Variants in PIKFYVE observed in about 807,000 individuals in gnomAD.
The protein encoded by PIKFYVE is 1-phosphatidylinositol 3-phosphate 5-kinase.
In PIKFYVE, 122 loss-of-function variants were observed where a neutral mutation model predicts 257.9. That is an observed-to-expected ratio of 0.47 (90% CI 0.41 to 0.55). The LOEUF is 0.55. PIKFYVE is among the 20% of genes least tolerant of loss of function. The pLI is 0.00. For synonymous variants in PIKFYVE, 892 were observed against 868.9 expected (o/e 1.03, Z -0.47); for missense variants, 2,160 against 2,536.6 (o/e 0.85, Z 3.19).
Position 208,325,936 on chromosome 2 carries a change from C to T in PIKFYVE, c.3125C>T (p.Ser1042Phe), listed in dbSNP as rs764390999. ...TSSEDKRKTY[S>F]LAFKQELKDV... The stretch of plus-strand genomic sequence containing the variant: ...TCTGAAGATAAACGAAAGACTTATT[C>T]TTTGGCCTTTAAGCAGGAATTAAAA... Residue 1042 changes from serine to phenylalanine, a missense_variant, in exon 20 of 42, where the codon TCT (serine) becomes TTT (phenylalanine). By Grantham distance (155) the Ser-to-Phe change is radical. Around this residue, in one of 12 missense-constraint regions of PIKFYVE, gnomAD observed 522 missense variants for 514.6 expected, o/e 1.01. Coordinates refer to ENST00000264380, the MANE Select transcript of PIKFYVE (RefSeq NM_015040.4). The T allele has an allele frequency of 1.9e-6, 3 of 1,613,948 alleles. No individual in the cohort carries two copies. Among genetic ancestry groups the T allele is most frequent in the Admixed American group, 1.7e-5 (1 of 59,998 alleles).
intron 12 of PIKFYVE, among the ~76,000 whole-genome samples, chr2:208,310,439 A>T (rs1224086891): frequency 6.6e-6 from 1 of 152,202 alleles, no homozygotes; most frequent in African/African-American, 2.4e-5. Flanking sequence ...AGAAGCTCGT[A>T]AAACTGGCTT....
At chr2:208,338,718 T>C in intron 29 of PIKFYVE, 150 bp downstream of exon 29, 1 of 740,000 alleles carries the variant, frequency 1.4e-6, no homozygotes. Flanking sequence ...TCCTATCAGA[T>C]TAAGATTATC....
rs374685821 is a variant in PIKFYVE at position 208,325,651 on chromosome 2, C to T, written c.2840C>T (p.Pro947Leu). ...EKGEQENKNL[P>L]QAVASVKHQE... ...GGTGAGCAGGAAAATAAAAATCTTC[C>T]GCAGGCTGTTGCCTCTGTGAAGCAT... The change falls in exon 20 of 42, where the codon CCG (proline) becomes CTG (leucine). Residue 947 changes from proline to leucine, a missense_variant. Physicochemically the swap from Pro to Leu is moderately conservative, Grantham distance 98 (BLOSUM62 -3). This residue lies in a region of PIKFYVE where 522 missense variants were observed against 514.6 expected (regional missense o/e 1.01). Coordinates refer to ENST00000264380, the MANE Select transcript of PIKFYVE (RefSeq NM_015040.4). 25 of 1,614,072 alleles carry T rather than the reference C, an allele frequency of 1.5e-5. No homozygotes were observed. The highest frequency in any genetic ancestry group is 1.0e-4 in the Admixed American group (6 of 59,994).
chr2:208,333,721 C>T (rs1697815982), intron 24 of PIKFYVE, among the ~76,000 whole-genome samples: 1 of 152,196 alleles, frequency 6.6e-6, no homozygotes, highest in Non-Finnish European at 1.5e-5. Context: ...TACGATCATT[C>T]ACTTACAGAG....
rs111474385 is a variant in PIKFYVE, at chr2:208,339,485, G to A, written c.4740G>A (p.Thr1580=). 1.5e-5 allele frequency: 24 copies of A among 1,614,018 alleles called. No individual in the cohort carries two copies. The highest frequency in any genetic ancestry group is 8.0e-5 in the African/African-American group (6 of 75,022). The part of the protein sequence containing the change: ...STSSTHLQLP[T]PPEVMSEQSV... Reference sequence around the variant, plus strand: ...GTTCTACTCATCTCCAATTGCCTACGCCACCTGAAGTCATGTCTGAACAGT... The same window carrying A: ...GTTCTACTCATCTCCAATTGCCTACACCACCTGAAGTCATGTCTGAACAGT... Residue 1580 remains threonine, a synonymous_variant, in exon 30 of 42, where the codon ACG becomes ACA. Transcript: ENST00000264380.
chr2:208,320,404 G>C, intron 17 of PIKFYVE, 45 bp downstream of exon 17: 1 of 1,598,042 alleles, frequency 6.3e-7, no homozygotes, highest in Non-Finnish European at 8.6e-7. Flanking sequence ...GGATGTTTGT[G>C]TACCATGATG....
intron 21 of PIKFYVE, 126 bp from the exon 22 acceptor site, chr2:208,329,716 C>T: frequency 1.4e-6 from 2 of 1,462,072 alleles, no homozygotes; most frequent in Non-Finnish European, 9.2e-7. Flanking sequence ...CAACAAAGAA[C>T]ATTACCTCCT....
chr2:208,346,025 T>G, intron 33 of PIKFYVE, 25 bp from the exon 34 acceptor site: 1 of 1,565,758 alleles, frequency 6.4e-7, no homozygotes, highest in Non-Finnish European at 8.8e-7. Flanking sequence ...AACTAAATTT[T>G]TCTTTTTTTT....
intron 7 of PIKFYVE, among the ~76,000 whole-genome samples, chr2:208,290,404 A>T (rs1692159596): frequency 6.6e-6 from 1 of 152,242 alleles, no homozygotes; most frequent in South Asian, 2.1e-4. Context: ...GGCTTCTTTC[A>T]CCTACTAATA....
intron 3 of PIKFYVE, chr2:208,274,084 A>T (rs749380715): frequency 1.2e-6 from 2 of 1,604,222 alleles, no homozygotes; most frequent in South Asian, 1.1e-5. Flanking sequence ...TGAATTCTGC[A>T]TCTGTTCTTG....
intron 7 of PIKFYVE, among the ~76,000 whole-genome samples, chr2:208,289,376 C>G (rs968582244): frequency 5.9e-5 from 9 of 151,836 alleles, no homozygotes. Context: ...TTAAGATTTA[C>G]TAATTTATAT....
intron 21 of PIKFYVE, among the ~76,000 whole-genome samples, chr2:208,328,674 CA>C (rs1214537968): frequency 1.3e-5 from 2 of 152,132 alleles, no homozygotes; most frequent in African/African-American, 4.8e-5. Context: ...ATTTGTGTTT[CA>C]TATACACCTT....
At chr2:208,299,037 G>A (rs779305576) in intron 8 of PIKFYVE, among the ~76,000 whole-genome samples, 1 of 151,666 alleles carries the variant, frequency 6.6e-6, no homozygotes, top group Non-Finnish European at 1.5e-5. Context: ...ACATGGTTTC[G>A]CCCTGTTGGC....
chr2:208,275,046 G>T (rs1440618106), intron 3 of PIKFYVE, among the ~76,000 whole-genome samples: 1 of 152,168 alleles, frequency 6.6e-6, no homozygotes, highest in Admixed American at 6.5e-5. Context: ...AAGTCTGCTT[G>T]ATTATTTGAT....
intron 29 of PIKFYVE, among the ~76,000 whole-genome samples, chr2:208,338,907 C>A (rs1365491261): frequency 1.3e-5 from 2 of 152,138 alleles, no homozygotes; most frequent in African/African-American, 4.8e-5. Flanking sequence ...TTTTTAATGT[C>A]ACTAAAATAT....
At chr2:208,292,401 C>G (rs1317522903) in intron 7 of PIKFYVE, among the ~76,000 whole-genome samples, 1 of 152,098 alleles carries the variant, frequency 6.6e-6, no homozygotes, top group Non-Finnish European at 1.5e-5. Context: ...GTTAAAGTCT[C>G]CAGCTATAAT....
Position 208,314,363 on chromosome 2 carries a change from A to G in PIKFYVE, c.1766A>G (p.His589Arg), listed in dbSNP as rs1401420533. Residue 589 changes from histidine (H) to arginine (R), a missense_variant, in exon 14 of 42, where the codon CAT (histidine) becomes CGT (arginine). Around this residue, in one of 12 missense-constraint regions of PIKFYVE, gnomAD observed 346 missense variants for 365.6 expected, o/e 0.95. Coordinates refer to ENST00000264380, the MANE Select transcript of PIKFYVE (RefSeq NM_015040.4). The part of the protein sequence containing the change: ...ELPFTPLGWH[H>R]NNLELLREEN... Reference sequence around the variant, plus strand: ...CCTTTCACACCTTTGGGCTGGCATCATAACAACCTGGAGCTCCTGAGGGAG... The same window carrying G: ...CCTTTCACACCTTTGGGCTGGCATCGTAACAACCTGGAGCTCCTGAGGGAG... 9 of 1,614,084 alleles carry G rather than the reference A, an allele frequency of 5.6e-6. No individual in the cohort carries two copies. Among genetic ancestry groups the G allele is most frequent in the Non-Finnish European group, 6.8e-6 (8 of 1,179,948 alleles).
At chr2:208,313,792 AG>A (rs1421113441) in intron 13 of PIKFYVE, among the ~76,000 whole-genome samples, 1 of 152,184 alleles carries the variant, frequency 6.6e-6, no homozygotes, top group Non-Finnish European at 1.5e-5. Flanking sequence ...CATGTTGGCC[AG>A]GCTGGTCTCG....
At chr2:208,339,707 CTTAAA>C in intron 30 of PIKFYVE, 152 bp downstream of exon 30, 3 of 1,140,378 alleles carry the variant, frequency 2.6e-6, no homozygotes, top group Non-Finnish European at 3.8e-6. Context: ...GTGGTAACTA[CTTAAA>C]TTATAGTATA....
Sources: gnomAD v4.1 joint callset for allele counts (sites outside exome capture counted in the v4.1 genomes callset) on GRCh38, gnomAD v4.1.1 for gene constraint, gnomAD v4.1.1 regional missense constraint, MANE v1.5 for transcripts, NCBI Gene and HGNC (gene_info 2026-07-23, HGNC 2026-07-21) for gene names.